The following PCDHGB2 variants were observed in gnomAD, a reference collection of about 807,000 sequenced individuals.
The protein encoded by PCDHGB2 is protocadherin gamma subfamily B, 2.
PCDHGB2 carries 55 observed loss-of-function variants against 59.3 expected under a neutral mutation model. The observed-to-expected ratio is 0.93, with a 90% CI of 0.75 to 1.16. The LOEUF is 1.16. PCDHGB2 is among the 50% of genes most tolerant of loss of function. PCDHGB2 has a pLI of 0.00. For synonymous variants in PCDHGB2, 516 were observed against 512.0 expected (o/e 1.01, Z -0.11); for missense variants, 1,228 against 1,198.5 (o/e 1.02, Z -0.36).
chr5:141,511,202 C>T lies in PCDHGB2; in HGVS notation c.*29C>T, dbSNP rs201024828. 2.0e-3 allele frequency: 3,296 copies of T among 1,612,132 alleles called. 7 individuals carry two copies. Among genetic ancestry groups the T allele is most frequent in the Middle Eastern group, 0.013 (77 of 6,006 alleles). On this transcript the variant is annotated 3_prime_UTR_variant, in exon 4 of 4. Coordinates refer to ENST00000522605, the MANE Select transcript of PCDHGB2 (RefSeq NM_018923.3). ...GGAGGCCAGGCCAAGAGCCACAGGG[C>T]GGCCTCTCCCCAACCAGCCCAGCTT...
intron 1 of PCDHGB2, chr5:141,405,312 A>G: frequency 1.2e-6 from 2 of 1,614,208 alleles, no homozygotes; most frequent in Non-Finnish European, 8.5e-7. Context: ...AGCTGTGAGA[A>G]AAATGAGCCT....
chr5:141,478,323 G>C, intron 1 of PCDHGB2: 1 of 1,613,958 alleles, frequency 6.2e-7, no homozygotes, highest in Non-Finnish European at 8.5e-7. Flanking sequence ...TCACTGTACC[G>C]AACACCAGGG....
intron 2 of PCDHGB2, among the ~76,000 whole-genome samples, chr5:141,498,825 C>A (rs2099786017): frequency 6.6e-6 from 1 of 151,974 alleles, no homozygotes; most frequent in Admixed American, 6.6e-5. Flanking sequence ...CCCAGCTACT[C>A]AGGAGGCTGA....
At chr5:141,418,603 G>A (rs769167342) in intron 1 of PCDHGB2, 7 of 1,613,902 alleles carry the variant, frequency 4.3e-6, no homozygotes, top group East Asian at 4.5e-5. Context: ...ACGTGTACAG[G>A]GTTAGCCTTC....
At chr5:141,456,421 A>C (rs1358944131) in intron 1 of PCDHGB2, among the ~76,000 whole-genome samples, 1 of 152,150 alleles carries the variant, frequency 6.6e-6, no homozygotes, top group Non-Finnish European at 1.5e-5. Context: ...GAAACAATTC[A>C]AGTTATAGTA....
intron 1 of PCDHGB2, chr5:141,426,414 G>A (rs2096934345): frequency 3.5e-6 from 1 of 287,986 alleles, no homozygotes; most frequent in Admixed American, 4.4e-5. Context: ...AAACGGTCCA[G>A]GGCTCCGTGG....
At chr5:141,417,656 G>A (rs1561768422) in intron 1 of PCDHGB2, 1 of 854,026 alleles carries the variant, frequency 1.2e-6, no homozygotes, top group Non-Finnish European at 1.7e-6. Context: ...CCTCTAGCCT[G>A]GGATTCCCTG....
chr5:141,506,688 T>G (rs114532236), intron 3 of PCDHGB2, among the ~76,000 whole-genome samples: 2,113 of 152,334 alleles, frequency 0.014, 37 homozygotes, highest in African/African-American at 0.048. Flanking sequence ...TTATCTTTGC[T>G]GACCCAAACC....
chr5:141,360,778 G>A lies in PCDHGB2; in HGVS notation c.643G>A (p.Val215Met). The A allele has an allele frequency of 6.2e-7, 1 of 1,613,918 alleles. No homozygotes were observed. The highest frequency in any genetic ancestry group is 1.3e-5 in the African/African-American group (1 of 75,048). The change falls in exon 1 of 4, where the codon GTG (valine) becomes ATG (methionine). Residue 215 changes from valine (V) to methionine (M), a missense_variant. Coordinates refer to ENST00000522605, the MANE Select transcript of PCDHGB2 (RefSeq NM_018923.3). ...HSLHQLVLTA[V>M]DGGDPPQSGT... ...TTTACATCAATTGGTCCTCACAGCTGTGGATGGCGGAGACCCACCTCAAAG... is the reference window on the plus strand; with the variant it reads ...TTTACATCAATTGGTCCTCACAGCTATGGATGGCGGAGACCCACCTCAAAG...
At chr5:141,403,270 T>C (rs1284833810) in intron 1 of PCDHGB2, 2 of 1,613,770 alleles carry the variant, frequency 1.2e-6, no homozygotes, top group African/African-American at 1.3e-5. Flanking sequence ...TGGTGAACTT[T>C]AAAGTCCTGG....
intron 1 of PCDHGB2, chr5:141,383,335 A>C (rs768493481): frequency 2.6e-5 from 42 of 1,613,892 alleles, no homozygotes; most frequent in Non-Finnish European, 3.4e-5. Flanking sequence ...AATGGAGAAT[A>C]CAGCTCCTGG....
chr5:141,482,220 G>T (rs945741591), intron 1 of PCDHGB2, among the ~76,000 whole-genome samples: 8 of 152,148 alleles, frequency 5.3e-5, no homozygotes, highest in African/African-American at 1.9e-4. Flanking sequence ...ACTTGTTTTG[G>T]TGTGAAATTG....
rs764055095 is a variant in PCDHGB2, at chr5:141,385,083, A to G, written c.2421+22527A>G. ...ACAAGTCACGCCTGCTGCAGGCTTC[A>G]GAAGGTGGCTTGGCGAACGTGCCCA... On this transcript the variant is annotated intron_variant, in intron 1 of 3. Coordinates refer to ENST00000522605, the MANE Select transcript of PCDHGB2 (RefSeq NM_018923.3). 18 of 1,614,084 alleles carry G rather than the reference A, an allele frequency of 1.1e-5. No homozygotes were observed. The Admixed American group carries it at 3.0e-4, about 27-fold the overall frequency.
At position 141,431,578 on chromosome 5, in the gene PCDHGB2, C is replaced by T. The variant is rs756332070; in HGVS notation, c.2422-63229C>T. 6.2e-7 allele frequency: 1 copy of T among 1,614,164 alleles called. No homozygotes were observed. On this transcript the variant is annotated intron_variant, in intron 1 of 3. Coordinates refer to ENST00000522605, the MANE Select transcript of PCDHGB2 (RefSeq NM_018923.3). This position sits in a 1 kb window ranked among gnomAD's most constrained non-coding sequence, Gnocchi z 4.8. ...ACGCTACCGACCCTGACGAAGGAGT[C>T]AATGCGGAAGTGAGGTATTCCTTCC...
At chr5:141,410,404 G>A (rs79498912) in intron 1 of PCDHGB2, 32,650 of 1,614,014 alleles carry the variant, frequency 0.02, 588 homozygotes, top group African/African-American at 0.088. Context: ...TCTGTGTCAA[G>A]TCTGGACCTG....
At chr5:141,380,088 T>A (rs1292073938) in intron 1 of PCDHGB2, among the ~76,000 whole-genome samples, 1 of 151,730 alleles carries the variant, frequency 6.6e-6, no homozygotes, top group Non-Finnish European at 1.5e-5. Flanking sequence ...TTAGTAGAGA[T>A]GGGGTTTTAC....
At chr5:141,366,157 T>C (rs1277783884) in intron 1 of PCDHGB2, 1 of 1,614,080 alleles carries the variant, frequency 6.2e-7, no homozygotes, top group South Asian at 1.1e-5. Flanking sequence ...ACCGCCTGCT[T>C]AAGGCCAGCG....
At position 141,362,472 on chromosome 5, in the gene PCDHGB2, T is replaced by G. The variant is rs1762526410; in HGVS notation, c.2337T>G (p.Asp779Glu). The change falls in exon 1 of 4, where the codon GAT (aspartate) becomes GAG (glutamate). Residue 779 changes from aspartate to glutamate, a missense_variant. Physicochemically the swap from Asp to Glu is conservative, Grantham distance 45. Transcript: ENST00000522605. ...CCCCGGAATTGGTTCCCGCGCAAGA[T>G]CTCGTCTGTGACAATGCCTCTTGGG... ...NITPELVPAQDLVCDNASWEQ... is the reference protein window; with the variant it reads ...NITPELVPAQELVCDNASWEQ... 3 of 1,613,916 alleles carry G rather than the reference T, an allele frequency of 1.9e-6. No individual in the cohort carries two copies. Among genetic ancestry groups the G allele is most frequent in the Non-Finnish European group, 2.5e-6 (3 of 1,179,892 alleles).
At chr5:141,417,892 C>T (rs550343206) in intron 1 of PCDHGB2, 13 of 1,570,660 alleles carry the variant, frequency 8.3e-6, no homozygotes, top group African/African-American at 5.4e-5. Flanking sequence ...GGCGCCGGGC[C>T]GGCCCGCGGC....
Sources: allele counts gnomAD v4.1 joint callset (sites outside exome capture counted in the v4.1 genomes callset), GRCh38; gene constraint gnomAD v4.1.1; non-coding constraint Gnocchi (gnomAD v3.1); transcripts MANE v1.5; gene names NCBI Gene and HGNC (gene_info 2026-07-23, HGNC 2026-07-21).